VPS13B: variants seen among roughly 807,000 people sequenced by gnomAD.
The protein encoded by VPS13B is vacuolar protein sorting 13 homolog B.
Under a neutral mutation model 426.4 loss-of-function variants are expected in VPS13B, and 285 were observed. That is an observed-to-expected ratio of 0.67 (90% CI 0.61 to 0.74). The LOEUF is 0.74. Ranked by LOEUF, VPS13B falls within the 30% of genes least tolerant of loss-of-function variation. VPS13B has a pLI of 0.00. For synonymous variants in VPS13B, 1,676 were observed against 1,676.4 expected (o/e 1.00, Z 0.01); for missense variants, 4,537 against 4,782.6 (o/e 0.95, Z 1.51).
chr8:99,435,847 C>T (rs1817339962), intron 22 of VPS13B, among the ~76,000 whole-genome samples: 2 of 152,100 alleles, frequency 1.3e-5, no homozygotes, highest in South Asian at 2.1e-4. Flanking sequence ...TTTGAATTTA[C>T]ACATGTATTT....
chr8:99,553,315 A>G (rs567029436), intron 30 of VPS13B, among the ~76,000 whole-genome samples: 12 of 152,256 alleles, frequency 7.9e-5, no homozygotes, highest in Admixed American at 3.9e-4. Flanking sequence ...TATGAGAGCC[A>G]GGAGGTTCAT....
intron 54 of VPS13B, among the ~76,000 whole-genome samples, chr8:99,845,511 G>A (rs986793709): frequency 3.5e-4 from 53 of 152,176 alleles, no homozygotes; most frequent in African/African-American, 1.2e-3. Flanking sequence ...GGGAAGTCTG[G>A]GTGTCTCTCT....
intron 30 of VPS13B, among the ~76,000 whole-genome samples, chr8:99,541,187 A>G (rs1023955426): frequency 2.0e-5 from 3 of 152,216 alleles, no homozygotes; most frequent in Non-Finnish European, 2.9e-5. Context: ...TAAAACTTAT[A>G]TAAGAATTTA....
At chr8:99,391,076 TAATC>T (rs1299670008) in intron 20 of VPS13B, among the ~76,000 whole-genome samples, 1 of 152,164 alleles carries the variant, frequency 6.6e-6, no homozygotes, top group East Asian at 1.9e-4. Context: ...AACATGTACA[TAATC>T]AGTTTGTAAA....
At position 99,529,149 on chromosome 8, in the gene VPS13B, A is replaced by G. The variant is rs189009098; in HGVS notation, c.4745+8139A>G. Among the ~76,000 whole-genome samples the G allele has an allele frequency of 1.8e-4, 27 of 152,316 alleles. No individual in the cohort carries two copies. In the East Asian group the frequency reaches 3.5e-3, roughly 20 times the overall value. ...AATCGTGTTTATTTTTAAAAAATCAACACCAAAGTGTATGCAATACTCCTC... is the reference window on the plus strand; with the variant it reads ...AATCGTGTTTATTTTTAAAAAATCAGCACCAAAGTGTATGCAATACTCCTC... On this transcript the variant is annotated intron_variant, in intron 30 of 61. Coordinates refer to ENST00000357162, the MANE Select transcript of VPS13B (RefSeq NM_152564.5).
At chr8:99,772,236 G>A (rs1811536939) in intron 40 of VPS13B, among the ~76,000 whole-genome samples, 1 of 151,528 alleles carries the variant, frequency 6.6e-6, no homozygotes, top group East Asian at 1.9e-4. Flanking sequence ...TAGATTTAAA[G>A]GAGTGTTTTA....
chr8:99,831,608 C>T (rs1815065672), intron 51 of VPS13B, among the ~76,000 whole-genome samples: 1 of 152,044 alleles, frequency 6.6e-6, no homozygotes, highest in Non-Finnish European at 1.5e-5. Context: ...TCTGTAGGTT[C>T]CATAGTTATG....
rs1588712588 is a variant in VPS13B at position 99,789,369 on chromosome 8, C to A, written c.7941+4893C>A. Among the ~76,000 whole-genome samples, 3 of 152,146 alleles carry A rather than the reference C, an allele frequency of 2.0e-5. No individual in the cohort carries two copies. In the South Asian group the frequency reaches 6.2e-4, roughly 32 times the overall value. ...GGGGACAAAGAAATACTCTGTGTTG[C>A]CAAAGCTGATAAATTTTTCAAGTGT... is the stretch of plus-strand genomic sequence containing the variant. On this transcript the variant is annotated intron_variant, in intron 43 of 61. Coordinates refer to ENST00000357162, the MANE Select transcript of VPS13B (RefSeq NM_152564.5).
At chr8:99,295,695 T>A (rs1819995539) in intron 19 of VPS13B, among the ~76,000 whole-genome samples, 1 of 152,138 alleles carries the variant, frequency 6.6e-6, no homozygotes, top group Admixed American at 6.6e-5. Context: ...GAGAGTAGCA[T>A]ACTGTATATC....
chr8:99,855,356 G>T (rs183588014), intron 56 of VPS13B, among the ~76,000 whole-genome samples: 3 of 152,102 alleles, frequency 2.0e-5, no homozygotes, highest in African/African-American at 7.2e-5. Flanking sequence ...CACTCCAGCC[G>T]GGGTGACAGA....
intron 17 of VPS13B, among the ~76,000 whole-genome samples, chr8:99,225,263 A>G (rs998645914): frequency 2.1e-4 from 32 of 152,146 alleles, no homozygotes; most frequent in African/African-American, 7.5e-4. Context: ...AAGGAAATTT[A>G]ACTCTTCTTT....
In VPS13B at chr8:99,680,790, A is replaced by G. The variant is rs185865081; in HGVS notation, c.6047-18735A>G. On this transcript the variant is annotated intron_variant, in intron 35 of 61. Transcript: ENST00000357162. ...AATAATTGGAATAAAATTTATAGTAACAGTCTGTGCCTGGTTCCCTATCCA... is the reference window on the plus strand; with the variant it reads ...AATAATTGGAATAAAATTTATAGTAGCAGTCTGTGCCTGGTTCCCTATCCA... Among the ~76,000 whole-genome samples, 28 of 152,306 alleles carry G rather than the reference A, an allele frequency of 1.8e-4. No individual in the cohort carries two copies. In the East Asian group the frequency reaches 5.2e-3, roughly 28 times the overall value.
rs571763957 is a variant in VPS13B at position 99,594,671 on chromosome 8, A to G, written c.5220+17038A>G. ...CAGGCTTTGAAAGGGTGTCTGTTCC[A>G]TAGACTTCTGTCCAGTTGATAACAC... On this transcript the variant is annotated intron_variant, in intron 33 of 61. Transcript: ENST00000357162. Among the ~76,000 whole-genome samples, 187 of 152,058 alleles carry G rather than the reference A, an allele frequency of 1.2e-3. 2 individuals carry two copies. The highest frequency in any genetic ancestry group is 3.7e-3 in the Admixed American group (57 of 15,248).
At chr8:99,622,910 A>G (rs1277667525) in intron 33 of VPS13B, among the ~76,000 whole-genome samples, 1 of 152,150 alleles carries the variant, frequency 6.6e-6, no homozygotes, top group Non-Finnish European at 1.5e-5. Flanking sequence ...TCTCTCTTCC[A>G]AGTTACCATC....
At chr8:99,720,590 G>T in intron 38 of VPS13B, 38 bp downstream of exon 38, 2 of 1,590,544 alleles carry the variant, frequency 1.3e-6, no homozygotes, top group Non-Finnish European at 1.7e-6. Context: ...GTGTCTCTGT[G>T]CATGTGGTTG....
At chr8:99,168,228 C>G (rs1379255106) in intron 15 of VPS13B, among the ~76,000 whole-genome samples, 2 of 152,038 alleles carry the variant, frequency 1.3e-5, no homozygotes, top group Admixed American at 6.6e-5. Flanking sequence ...TTAGAAGCAT[C>G]TCTAGGCAAC....
chr8:99,859,634 A>T lies in VPS13B; in HGVS notation c.11044+154A>T, dbSNP rs184523324. ...AGAGTTTGGGTTTGTAACAAAGCTC[A>T]TATATAATGTCTTATGTTTTGAACA... On this transcript the variant is annotated intron_variant, in intron 57 of 61. Transcript: ENST00000357162. Among the ~76,000 whole-genome samples the T allele has an allele frequency of 1.1e-3, 169 of 152,014 alleles. 3 individuals carry two copies. Among genetic ancestry groups the T allele is most frequent in the Admixed American group, 0.011 (162 of 15,258 alleles).
chr8:99,308,931 G>C (rs1331937740), intron 19 of VPS13B, among the ~76,000 whole-genome samples: 1 of 152,326 alleles, frequency 6.6e-6, no homozygotes, highest in East Asian at 1.9e-4. Flanking sequence ...CTGATGGCCA[G>C]TGATGGTGAG....
At chr8:99,593,009 G>T (rs186116811) in intron 33 of VPS13B, among the ~76,000 whole-genome samples, 9 of 152,246 alleles carry the variant, frequency 5.9e-5, no homozygotes, top group African/African-American at 1.7e-4. Context: ...CATGGGCAAA[G>T]ATTTCATGAC....
Sources: gnomAD v4.1 joint callset for allele counts (sites outside exome capture counted in the v4.1 genomes callset) on GRCh38, gnomAD v4.1.1 for gene constraint, MANE v1.5 for transcripts, NCBI Gene and HGNC (gene_info 2026-07-23, HGNC 2026-07-21) for gene names.